FMNL2: variants seen among roughly 807,000 people sequenced by gnomAD.
FMNL2 encodes formin like 2.
Under a neutral mutation model 130.2 loss-of-function variants are expected in FMNL2, and 51 were observed. The observed-to-expected ratio is 0.39, with a 90% CI of 0.31 to 0.49. The LOEUF (loss-of-function observed/expected upper bound fraction) is 0.49, where lower values mean the gene tolerates loss of function less well. FMNL2 is among the 20% of genes least tolerant of loss of function. The pLI, the probability that FMNL2 is intolerant of heterozygous loss-of-function variation, is 0.85. For synonymous variants in FMNL2, 465 were observed against 467.1 expected (o/e 1.00, Z 0.06); for missense variants, 977 against 1,316.2 (o/e 0.74, Z 3.99).
At chr2:152,641,435 C>T (rs920626170) in intron 25 of FMNL2, among the ~76,000 whole-genome samples, 1 of 152,246 alleles carries the variant, frequency 6.6e-6, no homozygotes, top group Admixed American at 6.5e-5. Context: ...ATTGAATTAG[C>T]ATAATGCTAT....
chr2:152,623,837 C>T (rs1309501333), intron 15 of FMNL2, among the ~76,000 whole-genome samples: 3 of 151,702 alleles, frequency 2.0e-5, no homozygotes, highest in South Asian at 2.1e-4. Context: ...GGCATATTCC[C>T]GCACAGTGAG....
rs1698999351 is a variant in FMNL2, at chr2:152,617,199, G to C, written c.1314+7G>C. 6.2e-7 allele frequency: 1 copy of C among 1,613,600 alleles called. No individual in the cohort carries two copies. The highest frequency in any genetic ancestry group is 1.1e-5 in the South Asian group (1 of 91,056). ...GGAGCTGGATGTCGTTCGGGTAAGTGTAATGATGACAACTGCCCAGATGGG... is the reference window on the plus strand; with the variant it reads ...GGAGCTGGATGTCGTTCGGGTAAGTCTAATGATGACAACTGCCCAGATGGG... On this transcript the variant is annotated splice_region_variant and intron_variant, in intron 13 of 25. Transcript: ENST00000288670.
At chr2:152,497,330 A>G (rs1283886696) in intron 1 of FMNL2, among the ~76,000 whole-genome samples, 1 of 151,722 alleles carries the variant, frequency 6.6e-6, no homozygotes, top group Non-Finnish European at 1.5e-5. Context: ...TTTTGTTTTT[A>G]GTGTTAGAAT....
At chr2:152,500,851 A>G (rs1165012776) in intron 1 of FMNL2, among the ~76,000 whole-genome samples, 2 of 152,246 alleles carry the variant, frequency 1.3e-5, no homozygotes, top group Non-Finnish European at 2.9e-5. Flanking sequence ...AAAACCAGGC[A>G]TCAAAACTCG....
intron 1 of FMNL2, among the ~76,000 whole-genome samples, chr2:152,451,370 G>A (rs1310378491): frequency 6.6e-6 from 1 of 151,894 alleles, no homozygotes; most frequent in Non-Finnish European, 1.5e-5. Flanking sequence ...GGCTGGTCTC[G>A]AACTCCTGAC....
chr2:152,564,064 G>T (rs1280721446), intron 6 of FMNL2, among the ~76,000 whole-genome samples: 2 of 152,028 alleles, frequency 1.3e-5, no homozygotes, highest in African/African-American at 4.8e-5. Context: ...AAAGCCTGCT[G>T]CCTTTTAAAC....
At chr2:152,538,018 C>T (rs1426096633) in intron 2 of FMNL2, among the ~76,000 whole-genome samples, 3 of 151,966 alleles carry the variant, frequency 2.0e-5, no homozygotes, top group East Asian at 1.9e-4. Context: ...GCTAAGAGGT[C>T]TAAAGAATGT....
intron 6 of FMNL2, among the ~76,000 whole-genome samples, chr2:152,568,217 G>GTTTTTTTTTTTTTTTTTGTTTT: frequency 7.8e-6 from 1 of 127,508 alleles, no homozygotes; most frequent in East Asian, 2.2e-4. Context: ...CATTTTGGTG[G>GTTTTTTTTTTTTTTTTTGTTTT]GTTTTTTTTT....
intron 2 of FMNL2, among the ~76,000 whole-genome samples, chr2:152,535,199 T>C (rs1693931456): frequency 6.6e-6 from 1 of 151,250 alleles, no homozygotes; most frequent in African/African-American, 2.4e-5. Context: ...TTTCATAAAC[T>C]GGATTACTAG....
chr2:152,394,494 A>T (rs890617514), intron 1 of FMNL2, among the ~76,000 whole-genome samples: 3 of 152,070 alleles, frequency 2.0e-5, no homozygotes, highest in Admixed American at 6.5e-5. Flanking sequence ...CTGTGACATG[A>T]GTTCCTCTTA....
At chr2:152,588,230 T>C (rs1355980163) in intron 9 of FMNL2, among the ~76,000 whole-genome samples, 1 of 152,240 alleles carries the variant, frequency 6.6e-6, no homozygotes, top group Admixed American at 6.5e-5. Flanking sequence ...CCTTGTCAGC[T>C]TCCAGAGGCC....
chr2:152,581,055 C>A lies in FMNL2; in HGVS notation c.876+6C>A. On this transcript the variant is annotated splice_donor_region_variant and intron_variant, in intron 9 of 25. Coordinates refer to ENST00000288670, the MANE Select transcript of FMNL2 (RefSeq NM_052905.4). ...CATTTGATAACTTTAAAGAGGTAGG[C>A]TACACTATAGTTTTCATAAGAATAC... is the stretch of plus-strand genomic sequence containing the variant. The A allele has an allele frequency of 1.9e-6, 3 of 1,611,804 alleles. No homozygotes were observed. Among genetic ancestry groups the A allele is most frequent in the Non-Finnish European group, 2.5e-6 (3 of 1,178,336 alleles).
chr2:152,576,392 C>G (rs1181944943), intron 7 of FMNL2, among the ~76,000 whole-genome samples: 1 of 152,042 alleles, frequency 6.6e-6, no homozygotes, highest in Non-Finnish European at 1.5e-5. Flanking sequence ...TGTATATGTT[C>G]CAGATAATAA....
intron 1 of FMNL2, among the ~76,000 whole-genome samples, chr2:152,508,847 G>A (rs73968041): frequency 2.6e-4 from 39 of 151,884 alleles, no homozygotes; most frequent in African/African-American, 8.2e-4. Flanking sequence ...GCCACCCCCC[G>A]CCCATTTTCA....
At chr2:152,616,480 T>A (rs1157228956) in intron 12 of FMNL2, among the ~76,000 whole-genome samples, 1 of 151,792 alleles carries the variant, frequency 6.6e-6, no homozygotes, top group Non-Finnish European at 1.5e-5. Context: ...ACAGGTGTAC[T>A]CCACCACACC....
intron 1 of FMNL2, among the ~76,000 whole-genome samples, chr2:152,340,784 C>T (rs113499619): frequency 0.15 from 22,675 of 152,080 alleles, 1,883 homozygotes; most frequent in Middle Eastern, 0.3. Flanking sequence ...CTCTGCTACC[C>T]GGGTTCAAGT....
chr2:152,566,723 C>T (rs1394485035), intron 6 of FMNL2, among the ~76,000 whole-genome samples: 1 of 152,130 alleles, frequency 6.6e-6, no homozygotes, highest in African/African-American at 2.4e-5. Flanking sequence ...TGTGTGTACA[C>T]ATGTTTGTGT....
At chr2:152,349,875 A>G (rs772318030) in intron 1 of FMNL2, among the ~76,000 whole-genome samples, 1 of 151,076 alleles carries the variant, frequency 6.6e-6, no homozygotes, top group Non-Finnish European at 1.5e-5. Context: ...TGGTGCTTAT[A>G]TGCTTTATTC....
chr2:152,476,031 G>C (rs1329483888), intron 1 of FMNL2, among the ~76,000 whole-genome samples: 2 of 152,210 alleles, frequency 1.3e-5, no homozygotes, highest in East Asian at 3.8e-4. Context: ...TCCCTGAGTA[G>C]GGTGGTATGG....
Sources: gnomAD v4.1 joint callset for allele counts (sites outside exome capture counted in the v4.1 genomes callset) on GRCh38, gnomAD v4.1.1 for gene constraint, MANE v1.5 for transcripts, NCBI Gene and HGNC (gene_info 2026-07-23, HGNC 2026-07-21) for gene names.